The following RFC3 variants were observed in gnomAD, a reference collection of about 807,000 sequenced individuals.
The protein encoded by RFC3 is A1 38 kDa subunit.
RFC3 carries 41 observed loss-of-function variants against 45.1 expected under a neutral mutation model. That is an observed-to-expected ratio of 0.91 (90% confidence interval 0.71 to 1.18). The LOEUF (loss-of-function observed/expected upper bound fraction) is 1.18. Ranked by LOEUF, RFC3 falls within the 50% of genes most tolerant of loss-of-function variation. RFC3 has a pLI of 0.00. For synonymous variants in RFC3, 149 were observed against 144.0 expected, an observed-to-expected ratio of 1.03 and a Z score of -0.25; for missense variants, 423 against 428.1, an observed-to-expected ratio of 0.99 and a Z score of 0.10.
intron 8 of RFC3, among the ~76,000 whole-genome samples, chr13:33,891,872 A>G (rs190279521): frequency 6.6e-5 from 10 of 152,324 alleles, no homozygotes; most frequent in Admixed American, 5.9e-4. Flanking sequence ...TATTAAGAAT[A>G]AGAATAGTTG....
chr13:33,824,319 GTGTT>G (rs921854890), intron 3 of RFC3, among the ~76,000 whole-genome samples: 2 of 152,154 alleles, frequency 1.3e-5, no homozygotes, highest in African/African-American at 4.8e-5. Flanking sequence ...AAAGTTTACA[GTGTT>G]TGGAGTAAAT....
At chr13:33,918,944 G>C (rs2137725768) in intron 8 of RFC3, among the ~76,000 whole-genome samples, 2 of 152,216 alleles carry the variant, frequency 1.3e-5, no homozygotes, top group South Asian at 4.2e-4. Context: ...GTTAACCTCT[G>C]TAATTCGAAG....
At chr13:33,957,886 G>C (rs1305215192) in intron 8 of RFC3, among the ~76,000 whole-genome samples, 2 of 152,092 alleles carry the variant, frequency 1.3e-5, no homozygotes, top group Admixed American at 1.3e-4. Flanking sequence ...TCTTTTTACA[G>C]GTTGTTCCTG....
At chr13:33,925,452 A>G (rs1459647462) in intron 8 of RFC3, among the ~76,000 whole-genome samples, 1 of 134,898 alleles carries the variant, frequency 7.4e-6, no homozygotes, top group Non-Finnish European at 1.5e-5. Context: ...AGTGTACTAT[A>G]TACATACATA....
intron 8 of RFC3, among the ~76,000 whole-genome samples, chr13:33,956,486 T>C (rs912966396): frequency 6.6e-6 from 1 of 152,210 alleles, no homozygotes; most frequent in Admixed American, 6.5e-5. Flanking sequence ...CCCTAAACTC[T>C]GCTAAACTAG....
chr13:33,948,309 G>T (rs549903242), intron 8 of RFC3, among the ~76,000 whole-genome samples: 3 of 152,330 alleles, frequency 2.0e-5, no homozygotes, highest in African/African-American at 7.2e-5. Flanking sequence ...GTGGTGTTAG[G>T]CCTGTGGGTG....
intron 8 of RFC3, among the ~76,000 whole-genome samples, chr13:33,887,404 C>G (rs2082532937): frequency 6.6e-6 from 1 of 151,948 alleles, no homozygotes; most frequent in Non-Finnish European, 1.5e-5. Context: ...AGCATTTTTT[C>G]ATGTGTTTTT....
In RFC3 at chr13:33,837,113, A is replaced by T; in HGVS notation, c.*818A>T. ...TACGAAGTATAATTTATAAAATAAA[A>T]TATACCCATTTTAAGGGTACAGTTT... is the stretch of plus-strand genomic sequence containing the variant. On this transcript the variant is annotated 3_prime_UTR_variant, in exon 9 of 9. Coordinates refer to ENST00000380071, the MANE Select transcript of RFC3 (RefSeq NM_002915.4). 1.1e-6 allele frequency: 1 copy of T among 881,490 alleles called. No individual in the cohort carries two copies. Among genetic ancestry groups the T allele is most frequent in the Non-Finnish European group, 1.4e-6 (1 of 735,382 alleles). The allele number at this position is 881,490 out of a possible 1,614,324, so 54.6% of individuals were successfully genotyped here.
chr13:33,865,209 T>G (rs926017327), intron 8 of RFC3, among the ~76,000 whole-genome samples: 1 of 152,224 alleles, frequency 6.6e-6, no homozygotes, highest in South Asian at 2.1e-4. Flanking sequence ...ATCCTCCCAA[T>G]TCAAAACACC....
At chr13:33,819,838 C>T (rs965109034) in intron 1 of RFC3, among the ~76,000 whole-genome samples, 2 of 152,108 alleles carry the variant, frequency 1.3e-5, no homozygotes, top group African/African-American at 4.8e-5. Context: ...GCAGCTTAAT[C>T]AAACTATGAA....
chr13:33,831,199 T>G, intron 6 of RFC3, 57 bp from the exon 7 acceptor site: 1 of 1,110,396 alleles, frequency 9.0e-7, no homozygotes, highest in Non-Finnish European at 1.4e-6. Flanking sequence ...GGGACTCCTG[T>G]TTTAGGACAT....
At chr13:33,918,177 C>T (rs1041699598) in intron 8 of RFC3, among the ~76,000 whole-genome samples, 12 of 152,164 alleles carry the variant, frequency 7.9e-5, no homozygotes, top group African/African-American at 2.9e-4. Flanking sequence ...CATCATTCTG[C>T]CTCTCAAGGC....
intron 8 of RFC3, among the ~76,000 whole-genome samples, chr13:33,944,560 G>C (rs943140021): frequency 3.3e-5 from 5 of 152,004 alleles, no homozygotes; most frequent in African/African-American, 4.8e-5. Context: ...CCTCTATTCT[G>C]CTTGTTTTAA....
At chr13:33,909,462 C>T (rs1173355916) in intron 8 of RFC3, among the ~76,000 whole-genome samples, 3 of 152,122 alleles carry the variant, frequency 2.0e-5, no homozygotes, top group South Asian at 2.1e-4. Flanking sequence ...TGCTCCTCTT[C>T]GTCATTTACC....
intron 8 of RFC3, among the ~76,000 whole-genome samples, chr13:33,863,045 C>T (rs1241252673): frequency 6.6e-6 from 1 of 152,060 alleles, no homozygotes; most frequent in Non-Finnish European, 1.5e-5. Flanking sequence ...TAGTGTTTCC[C>T]ACAGAGAATG....
At chr13:33,875,238 A>G (rs768140155) in intron 8 of RFC3, among the ~76,000 whole-genome samples, 15 of 152,230 alleles carry the variant, frequency 9.9e-5, no homozygotes, top group Non-Finnish European at 1.6e-4. Context: ...ATTTATTAGC[A>G]TACTTACTAC....
At chr13:33,889,674 A>G (rs938342751) in intron 8 of RFC3, among the ~76,000 whole-genome samples, 1 of 152,184 alleles carries the variant, frequency 6.6e-6, no homozygotes, top group African/African-American at 2.4e-5. Context: ...TGCTGACTAT[A>G]ACTTTGCAAC....
At position 33,847,048 on chromosome 13, in the gene RFC3, C is replaced by T. The variant is rs544588081; in HGVS notation, c.879+11831C>T. ...TCCCGAGTAGCTGGGATTACAGACA[C>T]CTGCCACCACACCCGGCTAATTTTT... On this transcript the variant is annotated intron_variant, in intron 8 of 8. Coordinates refer to the RFC3 transcript ENST00000434425. 5 of 152,382 alleles carry T rather than the reference C, an allele frequency of 3.3e-5. No individual in the cohort carries two copies. The South Asian group carries it at 6.2e-4, about 19-fold the overall frequency. 9.4% of individuals were successfully genotyped at this position (152,382 alleles called of 1,614,324 possible).
intron 4 of RFC3, among the ~76,000 whole-genome samples, chr13:33,829,032 TC>T (rs1220968697): frequency 7.9e-5 from 12 of 152,350 alleles, no homozygotes; most frequent in Admixed American, 7.8e-4. Context: ...TTGCCTGGTT[TC>T]TGTATAATGT....
Sources: allele counts gnomAD v4.1 joint callset (sites outside exome capture counted in the v4.1 genomes callset), GRCh38; gene constraint gnomAD v4.1.1; transcripts MANE v1.5; gene names NCBI Gene and HGNC (gene_info 2026-07-23, HGNC 2026-07-21).